Variants in FXR2 observed in about 807,000 individuals in gnomAD.
FXR2 encodes RNA-binding protein FXR2.
Under a neutral mutation model 87.3 loss-of-function variants are expected in FXR2, and 9 were observed. The observed-to-expected ratio is 0.10, with a 90% CI of 0.06 to 0.18. The LOEUF is 0.18. Among genes scored for constraint, FXR2 ranks in the 10% least tolerant of loss-of-function variants. The pLI, the probability that FXR2 is intolerant of heterozygous loss-of-function variation, is 1.00. For missense variants in FXR2, 661 were observed against 893.6 expected (o/e 0.74, Z 3.32); for synonymous variants, 331 against 328.3 (o/e 1.01, Z -0.09).
Position 7,592,695 on chromosome 17 carries a change from C to G in FXR2, c.1728G>C (p.Leu576=), listed in dbSNP as rs1249528999. ...TCCAGACCCCAGGCACACCCTCACC[C>G]AGGCCATTCTCTGTCATGTTGGGCC... ...SDGPNMTENG[L]EDESRPQRRN... The change falls in exon 14 of 17, where the codon CTG becomes CTC. Residue 576 remains leucine, a splice_region_variant and synonymous_variant. Coordinates refer to ENST00000250113, the MANE Select transcript of FXR2 (RefSeq NM_004860.4). This position sits in a 1 kb window ranked among gnomAD's most constrained non-coding sequence, Gnocchi z 4.8. 1 of 1,613,686 alleles carries G rather than the reference C, an allele frequency of 6.2e-7. No individual in the cohort carries two copies. The highest frequency in any genetic ancestry group is 2.2e-5 in the East Asian group (1 of 44,860).
chr17:7,610,766 G>A (rs1279216289), intron 1 of FXR2, among the ~76,000 whole-genome samples: 1 of 152,134 alleles, frequency 6.6e-6, no homozygotes, highest in Non-Finnish European at 1.5e-5. Context: ...GCAGGTGGGT[G>A]GAATGTATTA....
chr17:7,594,882 A>G lies in FXR2; in HGVS notation c.832-125T>C. 1 of 687,944 alleles carries G rather than the reference A, an allele frequency of 1.5e-6. No homozygotes were observed. The highest frequency in any genetic ancestry group is 2.6e-6 in the Non-Finnish European group (1 of 380,684). The allele number at this position is 687,944 out of a possible 1,614,324, so 42.6% of individuals were successfully genotyped here. On this transcript the variant is annotated intron_variant, in intron 8 of 16. Coordinates refer to ENST00000250113, the MANE Select transcript of FXR2 (RefSeq NM_004860.4). The surrounding 1 kb of genome is among the most constrained non-coding windows in gnomAD (Gnocchi z 5.1). Reference sequence around the variant, plus strand: ...GTGGATAAATTGAGCTCAAGAGTTCAAGACTAGCCTGGGCAATATGGTGAA... The same window carrying G: ...GTGGATAAATTGAGCTCAAGAGTTCGAGACTAGCCTGGGCAATATGGTGAA...
chr17:7,593,353 T>G lies in FXR2; in HGVS notation c.1330+50A>C. ...AAACTTCCATCCAGACCTCTGCCTCTACCCACAAGCCCTGCCACTCCTTGC... is the reference window on the plus strand; with the variant it reads ...AAACTTCCATCCAGACCTCTGCCTCGACCCACAAGCCCTGCCACTCCTTGC... On this transcript the variant is annotated intron_variant, in intron 12 of 16. Coordinates refer to ENST00000250113, the MANE Select transcript of FXR2 (RefSeq NM_004860.4). This position sits in a 1 kb window ranked among gnomAD's most constrained non-coding sequence, Gnocchi z 6.1. 1 of 1,410,796 alleles carries G rather than the reference T, an allele frequency of 7.1e-7. No homozygotes were observed. The highest frequency in any genetic ancestry group is 9.8e-7 in the Non-Finnish European group (1 of 1,023,742). The allele number at this position is 1,410,796 out of a possible 1,614,324, so 87.4% of individuals were successfully genotyped here. A position where few individuals can be genotyped will look rare whatever the true frequency, so the allele number is the denominator to read the frequency against.
At chr17:7,603,255 C>T (rs557163815) in intron 5 of FXR2, among the ~76,000 whole-genome samples, 90 of 150,902 alleles carry the variant, frequency 6.0e-4, no homozygotes, top group Non-Finnish European at 1.1e-3. Context: ...GGGCCGGGTG[C>T]GGTGGCTCAC....
chr17:7,598,225 T>C lies in FXR2; in HGVS notation c.661-2231A>G, dbSNP rs376932809. Among the ~76,000 whole-genome samples, 943 of 151,612 alleles carry C rather than the reference T, an allele frequency of 6.2e-3. 10 individuals carry two copies. The highest frequency in any genetic ancestry group is 0.022 in the African/African-American group (907 of 41,268). On this transcript the variant is annotated intron_variant, in intron 7 of 16. Transcript: ENST00000250113. The stretch of plus-strand genomic sequence containing the variant: ...CAGCACTTTGGGAGGCCGAGGTGGG[T>C]GGATCACGAGGTCAGGAGATCAAGA...
Position 7,595,863 on chromosome 17 carries a change from C to T in FXR2, c.792G>A (p.Glu264=). The T allele has an allele frequency of 1.9e-6, 3 of 1,613,964 alleles. No individual in the cohort carries two copies. Among genetic ancestry groups the T allele is most frequent in the South Asian group, 1.1e-5 (1 of 91,080 alleles). ...GGAAAGTGCAGGTCTCTTCACCCAACTCAATGGCGGTCACCCCAGGTACTT... is the reference window on the plus strand; with the variant it reads ...GGAAAGTGCAGGTCTCTTCACCCAATTCAATGGCGGTCACCCCAGGTACTT... ...ARKVPGVTAI[E]LGEETCTFRI... is the part of the protein sequence containing the mutation. The change falls in exon 8 of 17, where the codon GAG becomes GAA. Residue 264 remains glutamate, a synonymous_variant. Transcript: ENST00000250113. The surrounding 1 kb of genome is among the most constrained non-coding windows in gnomAD (Gnocchi z 4.7).
chr17:7,593,144 C>T lies in FXR2; in HGVS notation c.1368G>A (p.Glu456=). The stretch of plus-strand genomic sequence containing the variant: ...GGTTGGGCTCCTCTCTCTTCTCTGA[C>T]TCAGTCTCTGAAGCTGTAGACACAT... ...SSDVSTASET[E]SEKREEPNRA... Residue 456 remains glutamate, a synonymous_variant, in exon 13 of 17, where the codon GAG becomes GAA. Transcript: ENST00000250113. This position sits in a 1 kb window ranked among gnomAD's most constrained non-coding sequence, Gnocchi z 6.1. 1 of 1,552,418 alleles carries T rather than the reference C, an allele frequency of 6.4e-7. No individual in the cohort carries two copies. The highest frequency in any genetic ancestry group is 8.7e-7 in the Non-Finnish European group (1 of 1,152,434).
At chr17:7,598,379 T>C (rs1444660346) in intron 7 of FXR2, among the ~76,000 whole-genome samples, 8 of 152,064 alleles carry the variant, frequency 5.3e-5, no homozygotes, top group Non-Finnish European at 1.5e-5. Flanking sequence ...GGCGTGAACT[T>C]GGGAGGTGGA....
chr17:7,603,528 C>CA (rs35153607), intron 5 of FXR2, among the ~76,000 whole-genome samples: 21,769 of 106,670 alleles, frequency 0.2, 3,776 homozygotes, highest in African/African-American at 0.46. Flanking sequence ...ACTCTGTCTC[C>CA]AAAAAAAAAA....
chr17:7,593,654 A>G lies in FXR2; in HGVS notation c.1108-29T>C. 1 of 1,435,178 alleles carries G rather than the reference A, an allele frequency of 7.0e-7. No homozygotes were observed. 88.9% of individuals were successfully genotyped at this position (1,435,178 alleles called of 1,614,324 possible). ...GTTGGGTAAAAGATGGAAGAAGGGG[A>G]AGGAGAAATAAGATCAGTGCCTTGC... On this transcript the variant is annotated intron_variant, in intron 11 of 16. Transcript: ENST00000250113. The surrounding 1 kb of genome is among the most constrained non-coding windows in gnomAD (Gnocchi z 6.1).
At chr17:7,601,876 G>A (rs1362142317) in intron 6 of FXR2, among the ~76,000 whole-genome samples, 6 of 151,896 alleles carry the variant, frequency 4.0e-5, no homozygotes, top group Admixed American at 2.0e-4. Context: ...GCAGTGAGCC[G>A]AGACTGCGCC....
intron 7 of FXR2, among the ~76,000 whole-genome samples, chr17:7,599,043 A>G (rs2071730866): frequency 6.6e-6 from 1 of 152,032 alleles, no homozygotes; most frequent in Non-Finnish European, 1.5e-5. Flanking sequence ...AGGCCGAGGC[A>G]CAAGAATCGC....
chr17:7,609,980 A>ATATATATATACATGCATATG (rs2071843347), intron 1 of FXR2, among the ~76,000 whole-genome samples: 1 of 60,732 alleles, frequency 1.6e-5, no homozygotes, highest in Non-Finnish European at 4.1e-5. Flanking sequence ...ATATGTATAC[A>ATATATATATACATGCATATG]TATATATATA....
In FXR2 at chr17:7,614,392, C is replaced by G. The variant is rs1369507739; in HGVS notation, c.81+60G>C. 2.4e-6 allele frequency: 3 copies of G among 1,267,880 alleles called. No homozygotes were observed. The East Asian group carries it at 7.7e-5, about 33-fold the overall frequency. The allele number at this position is 1,267,880 out of a possible 1,614,324, so 78.5% of individuals were successfully genotyped here. A position where few individuals can be genotyped will look rare whatever the true frequency, so the allele number is the denominator to read the frequency against. On this transcript the variant is annotated intron_variant, in intron 1 of 16. Coordinates refer to ENST00000250113, the MANE Select transcript of FXR2 (RefSeq NM_004860.4). The stretch of plus-strand genomic sequence containing the variant: ...GAAGCTCGATCCCGCCCCACGCGTT[C>G]CTGCTCCGGCCAGGGGAGGGGGCTA...
Position 7,593,434 on chromosome 17 carries a change from G to T in FXR2, c.1299C>A (p.Gly433=). 6.3e-7 allele frequency: 1 copy of T among 1,583,410 alleles called. No homozygotes were observed. The highest frequency in any genetic ancestry group is 8.6e-7 in the Non-Finnish European group (1 of 1,165,498). ...CAGGACCGCCTGTCCTCCGGCCACGGCCACGGCCCCCATAGCTGCCCCCAT... is the reference window on the plus strand; with the variant it reads ...CAGGACCGCCTGTCCTCCGGCCACGTCCACGGCCCCCATAGCTGCCCCCAT... ...RTYGGSYGGR[G]RGRRTGGPAY... Residue 433 remains glycine, a synonymous_variant, in exon 12 of 17, where the codon GGC becomes GGA. Transcript: ENST00000250113. This position sits in a 1 kb window ranked among gnomAD's most constrained non-coding sequence, Gnocchi z 6.1.
At position 7,593,477 on chromosome 17, in the gene FXR2, A is replaced by T. The variant is rs778853355; in HGVS notation, c.1256T>A (p.Leu419His). Residue 419 changes from leucine (L) to histidine (H), a missense_variant, in exon 12 of 17, where the codon CTC (leucine) becomes CAC (histidine). By Grantham distance (99) the Leu-to-His change is moderately conservative (BLOSUM62 -3). Transcript: ENST00000250113. This position sits in a 1 kb window ranked among gnomAD's most constrained non-coding sequence, Gnocchi z 6.1. ...YSTDESSSSS[L>H]HATRTYGGSY... ...GCCCCCATAGGTTCGAGTCGCATGGAGGGAGGAGGAGGAGCTCTCATCAGT... is the reference window on the plus strand; with the variant it reads ...GCCCCCATAGGTTCGAGTCGCATGGTGGGAGGAGGAGGAGCTCTCATCAGT... 6.9e-6 allele frequency: 11 copies of T among 1,588,652 alleles called. No individual in the cohort carries two copies. The highest frequency in any genetic ancestry group is 1.7e-6 in the Non-Finnish European group (2 of 1,168,932).
chr17:7,608,305 C>G (rs2071820365), intron 1 of FXR2, among the ~76,000 whole-genome samples: 1 of 151,384 alleles, frequency 6.6e-6, no homozygotes, highest in Non-Finnish European at 1.5e-5. Context: ...TGAAGACTAT[C>G]CTTTCTGGCC....
At chr17:7,597,134 T>C (rs1301610858) in intron 7 of FXR2, among the ~76,000 whole-genome samples, 4 of 152,088 alleles carry the variant, frequency 2.6e-5, no homozygotes, top group Non-Finnish European at 4.4e-5. Flanking sequence ...ACAGAAAACA[T>C]GCCTCTAGAA....
chr17:7,611,147 A>T (rs1426977109), intron 1 of FXR2, among the ~76,000 whole-genome samples: 1 of 152,192 alleles, frequency 6.6e-6, no homozygotes, highest in Non-Finnish European at 1.5e-5. Context: ...CAACTTAAAG[A>T]ATAAAATACA....
Sources: allele counts gnomAD v4.1 joint callset (sites outside exome capture counted in the v4.1 genomes callset), GRCh38; gene constraint gnomAD v4.1.1; non-coding constraint Gnocchi (gnomAD v3.1); transcripts MANE v1.5; gene names NCBI Gene and HGNC (gene_info 2026-07-23, HGNC 2026-07-21).